The following CRTC1 variants were observed in gnomAD, a reference collection of about 807,000 sequenced individuals.
CRTC1 encodes CREB regulated transcription coactivator 1.
A neutral mutation model predicts 66.1 loss-of-function variants in CRTC1; 18 were observed. The ratio of observed to expected loss-of-function variants is 0.27; its 90% CI spans 0.19 to 0.40. The LOEUF (loss-of-function observed/expected upper bound fraction) is 0.40, where lower values mean the gene tolerates loss of function less well. Among genes scored for constraint, CRTC1 ranks in the 10% least tolerant of loss-of-function variants. The pLI, the probability that CRTC1 is intolerant of heterozygous loss-of-function variation, is 1.00. For missense variants in CRTC1, 669 were observed against 887.9 expected, an observed-to-expected ratio of 0.75 and a Z score of 3.13; for synonymous variants, 416 against 398.8, an observed-to-expected ratio of 1.04 and a Z score of -0.51.
chr19:18,777,645 C>T lies in CRTC1; in HGVS notation c.*263C>T. The T allele has an allele frequency of 4.1e-6, 2 of 484,496 alleles. No homozygotes were observed. Among genetic ancestry groups the T allele is most frequent in the South Asian group, 4.8e-5 (2 of 41,308 alleles). 30.0% of individuals were successfully genotyped at this position (484,496 alleles called of 1,614,324 possible). A position where few individuals can be genotyped will look rare whatever the true frequency, so the allele number is the denominator to read the frequency against. On this transcript the variant is annotated 3_prime_UTR_variant, in exon 14 of 14. Transcript: ENST00000321949. The surrounding 1 kb of genome is among the most constrained non-coding windows in gnomAD (Gnocchi z 5.5). ...TGAGCCTCCCGCCCCTGCAGACCCT[C>T]CCTGCACTGGCTCCCTCGCCCCCAG...
At chr19:18,693,305 C>T (rs1422467710) in intron 1 of CRTC1, among the ~76,000 whole-genome samples, 2 of 151,008 alleles carry the variant, frequency 1.3e-5, no homozygotes, top group Non-Finnish European at 2.9e-5. Context: ...AAGAGAATTG[C>T]TTGAACCAGG....
chr19:18,769,126 GGC>G (rs1568539266), intron 10 of CRTC1, among the ~76,000 whole-genome samples: 1 of 152,218 alleles, frequency 6.6e-6, no homozygotes, highest in Non-Finnish European at 1.5e-5. Context: ...AGAAGAGTAC[GGC>G]GTTCTCAGGG....
At position 18,777,923 on chromosome 19, in the gene CRTC1, G is replaced by A. The variant is rs1263430474; in HGVS notation, c.*541G>A. On this transcript the variant is annotated 3_prime_UTR_variant, in exon 14 of 14. Coordinates refer to ENST00000321949, the MANE Select transcript of CRTC1 (RefSeq NM_015321.3). This position sits in a 1 kb window ranked among gnomAD's most constrained non-coding sequence, Gnocchi z 5.5. ...GGAGGCGCCAGAGCGCGGGGCAGAC[G>A]CAAAGTGAAATAAACACTATTTTGA... The A allele has an allele frequency of 2.3e-5, 6 of 256,608 alleles. No individual in the cohort carries two copies. The South Asian group carries it at 3.7e-4, about 16-fold the overall frequency. 15.9% of individuals were successfully genotyped at this position (256,608 alleles called of 1,614,324 possible). A position where few individuals can be genotyped will look rare whatever the true frequency, so the allele number is the denominator to read the frequency against.
intron 1 of CRTC1, among the ~76,000 whole-genome samples, chr19:18,735,265 G>A (rs1377860265): frequency 6.6e-6 from 1 of 152,182 alleles, no homozygotes; most frequent in African/African-American, 2.4e-5. Flanking sequence ...GAGGGCTCTT[G>A]TCCCTGTCTC....
At chr19:18,772,563 G>A (rs2054893843) in intron 11 of CRTC1, among the ~76,000 whole-genome samples, 1 of 152,184 alleles carries the variant, frequency 6.6e-6, no homozygotes, top group Non-Finnish European at 1.5e-5. Flanking sequence ...GCTCCTCCAG[G>A]GCTGAGGTCG....
chr19:18,713,999 G>A (rs994884337), intron 1 of CRTC1, among the ~76,000 whole-genome samples: 3 of 152,150 alleles, frequency 2.0e-5, no homozygotes, highest in South Asian at 2.1e-4. Context: ...TCCTGTGGGC[G>A]GCCCACGCTC....
chr19:18,701,687 C>T (rs569858857), intron 1 of CRTC1, among the ~76,000 whole-genome samples: 3 of 152,300 alleles, frequency 2.0e-5, no homozygotes, highest in East Asian at 1.9e-4. Context: ...CTCACTGCAA[C>T]GTCCACCTCC....
chr19:18,781,560 C>T lies in CRTC1; in HGVS notation c.*4178C>T, dbSNP rs1601044784. The T allele has an allele frequency of 8.7e-6, 2 of 229,438 alleles. No homozygotes were observed. The highest frequency in any genetic ancestry group is 6.2e-5 in the East Asian group (1 of 16,180). The allele number at this position is 229,438 out of a possible 1,614,324, so 14.2% of individuals were successfully genotyped here. On this transcript the variant is annotated 3_prime_UTR_variant, in exon 14 of 14. Coordinates refer to ENST00000321949, the MANE Select transcript of CRTC1 (RefSeq NM_015321.3). ...CCCACTGGCCACAGACACCATTCTC[C>T]CCCTGGGAGCAGGAGGTGGAGTAAG...
chr19:18,744,722 T>TCATCATCC (rs1206334049), intron 2 of CRTC1, among the ~76,000 whole-genome samples: 1 of 152,116 alleles, frequency 6.6e-6, no homozygotes, highest in African/African-American at 2.4e-5. Context: ...ACCCTCATCG[T>TCATCATCC]CACAGGCCCA....
intron 4 of CRTC1, among the ~76,000 whole-genome samples, chr19:18,748,471 G>A (rs2054293989): frequency 7.1e-6 from 1 of 139,982 alleles, no homozygotes; most frequent in Non-Finnish European, 1.5e-5. Context: ...CACCCATCTC[G>A]GCCTCCCAAA....
chr19:18,760,263 C>T lies in CRTC1; in HGVS notation c.886+35C>T, dbSNP rs1157373503. ...GGACACTCCGCCCTCGGACAGAGCACTGGCTTGTGGAGACAACACGGGCAT... is the reference window on the plus strand; with the variant it reads ...GGACACTCCGCCCTCGGACAGAGCATTGGCTTGTGGAGACAACACGGGCAT... On this transcript the variant is annotated intron_variant, in intron 8 of 13. Coordinates refer to ENST00000321949, the MANE Select transcript of CRTC1 (RefSeq NM_015321.3). The surrounding 1 kb of genome is among the most constrained non-coding windows in gnomAD (Gnocchi z 6.2). The T allele has an allele frequency of 6.6e-7, 1 of 1,508,726 alleles. No individual in the cohort carries two copies. The highest frequency in any genetic ancestry group is 2.4e-5 in the East Asian group (1 of 41,116). 93.5% of individuals were successfully genotyped at this position (1,508,726 alleles called of 1,614,324 possible). A position where few individuals can be genotyped will look rare whatever the true frequency, so the allele number is the denominator to read the frequency against.
At chr19:18,696,662 C>G (rs956747754) in intron 1 of CRTC1, among the ~76,000 whole-genome samples, 5 of 152,042 alleles carry the variant, frequency 3.3e-5, no homozygotes, top group African/African-American at 1.2e-4. Flanking sequence ...AGAGGTTGTC[C>G]CTGGTTTTTC....
At chr19:18,696,972 A>G (rs894351143) in intron 1 of CRTC1, among the ~76,000 whole-genome samples, 30 of 152,094 alleles carry the variant, frequency 2.0e-4, no homozygotes, top group African/African-American at 5.8e-4. Flanking sequence ...AGCTCATGGG[A>G]TAGAACACAC....
In CRTC1 at chr19:18,777,596, G is replaced by A; in HGVS notation, c.*214G>A. 1.9e-6 allele frequency: 1 copy of A among 524,054 alleles called. No homozygotes were observed. Among genetic ancestry groups the A allele is most frequent in the Non-Finnish European group, 3.3e-6 (1 of 299,354 alleles). The allele number at this position is 524,054 out of a possible 1,614,324, so 32.5% of individuals were successfully genotyped here. ...GGCCGTCCACCCACCCGCCCGCCCA[G>A]GGCTGGGCTGGGATCGGAGGCCGTG... On this transcript the variant is annotated 3_prime_UTR_variant, in exon 14 of 14. Coordinates refer to ENST00000321949, the MANE Select transcript of CRTC1 (RefSeq NM_015321.3). This position sits in a 1 kb window ranked among gnomAD's most constrained non-coding sequence, Gnocchi z 5.5.
chr19:18,751,289 C>T (rs1001259163), intron 5 of CRTC1, among the ~76,000 whole-genome samples: 9 of 152,070 alleles, frequency 5.9e-5, no homozygotes, highest in African/African-American at 1.2e-4. Flanking sequence ...TTTGGGAGGC[C>T]GAGGTGGGTG....
At chr19:18,714,640 T>G (rs2053465988) in intron 1 of CRTC1, among the ~76,000 whole-genome samples, 1 of 152,214 alleles carries the variant, frequency 6.6e-6, no homozygotes, top group African/African-American at 2.4e-5. Context: ...CAAGGGCAGC[T>G]TCCCGTCCAC....
chr19:18,756,108 T>G (rs1600956422), intron 6 of CRTC1, among the ~76,000 whole-genome samples: 1 of 151,734 alleles, frequency 6.6e-6, no homozygotes, highest in Non-Finnish European at 1.5e-5. Context: ...CCGAGGCTGG[T>G]GGATCACCTG....
chr19:18,781,732 G>A lies in CRTC1; in HGVS notation c.*4350G>A, dbSNP rs540103482. 1.7e-5 allele frequency: 4 copies of A among 230,622 alleles called. No homozygotes were observed. Among genetic ancestry groups the A allele is most frequent in the African/African-American group, 6.6e-5 (3 of 45,154 alleles). 14.3% of individuals were successfully genotyped at this position (230,622 alleles called of 1,614,324 possible). ...GCCCCGGGCTCCTCCTGGGCAGGAT[G>A]GGGGGCAGGGGCTGGGCCTTGGGGT... On this transcript the variant is annotated 3_prime_UTR_variant, in exon 14 of 14. Coordinates refer to ENST00000321949, the MANE Select transcript of CRTC1 (RefSeq NM_015321.3).
At chr19:18,716,876 C>T (rs2053519911) in intron 1 of CRTC1, among the ~76,000 whole-genome samples, 1 of 151,958 alleles carries the variant, frequency 6.6e-6, no homozygotes. Context: ...CATGGGGGAG[C>T]CAGGTGGGGC....
Sources: gnomAD v4.1 joint callset for allele counts (sites outside exome capture counted in the v4.1 genomes callset) on GRCh38, gnomAD v4.1.1 for gene constraint, Gnocchi (gnomAD v3.1) non-coding constraint, MANE v1.5 for transcripts, NCBI Gene and HGNC (gene_info 2026-07-23, HGNC 2026-07-21) for gene names.